SLC28A2: variants seen among roughly 807,000 people sequenced by gnomAD.
SLC28A2 encodes the protein solute carrier family 28 member 2.
A neutral mutation model predicts 72.9 loss-of-function variants in SLC28A2; 69 were observed. That is an observed-to-expected ratio of 0.95 (90% CI 0.78 to 1.16). The LOEUF (loss-of-function observed/expected upper bound fraction) is 1.16, where lower values mean the gene tolerates loss of function less well. Ranked by LOEUF, SLC28A2 falls within the 50% of genes most tolerant of loss-of-function variation. The probability of loss-of-function intolerance (pLI) is 0.00; values close to 1 mark genes in which losing one functional copy is unlikely to be tolerated. For missense variants in SLC28A2, 745 were observed against 791.1 expected, an observed-to-expected ratio of 0.94 and a Z score of 0.70; for synonymous variants, 296 against 294.1, an observed-to-expected ratio of 1.01 and a Z score of -0.07.
At chr15:45,253,569 G>T (rs1468178171) in intron 3 of SLC28A2, 49 bp downstream of exon 3, 1 of 1,302,496 alleles carries the variant, frequency 7.7e-7, no homozygotes, top group African/African-American at 1.5e-5. Context: ...TCTAGGGTGG[G>T]CTGCCCCTTC....
At chr15:45,265,992 T>C in intron 9 of SLC28A2, 89 bp from the exon 10 acceptor site, 2 of 966,108 alleles carry the variant, frequency 2.1e-6, no homozygotes, top group Non-Finnish European at 3.3e-6. Flanking sequence ...TCAGTTTCCT[T>C]ATCAGTAAAG....
Position 45,275,535 on chromosome 15 carries a change from AAC to A in SLC28A2, c.*24_*25del. On this transcript the variant is annotated 3_prime_UTR_variant, in exon 18 of 18. Transcript: ENST00000347644. ...CTAAGGCTGCTTGATCTATTTCTAT[AAC>A]AGTTTTGATCTTAAAAGCTTTGTGA... 6.9e-7 allele frequency: 1 copy of A among 1,454,234 alleles called. No homozygotes were observed. Among genetic ancestry groups the A allele is most frequent in the Non-Finnish European group, 9.6e-7 (1 of 1,037,920 alleles). 90.1% of individuals were successfully genotyped at this position (1,454,234 alleles called of 1,614,324 possible).
chr15:45,267,387 TG>T, intron 10 of SLC28A2, 67 bp from the exon 11 acceptor site: 1 of 1,582,222 alleles, frequency 6.3e-7, no homozygotes, highest in Non-Finnish European at 8.7e-7. Context: ...CCCCTGGGGC[TG>T]GGGTGGGCAC....
At chr15:45,269,760 C>T (rs1346434581) in intron 14 of SLC28A2, among the ~76,000 whole-genome samples, 1 of 152,224 alleles carries the variant, frequency 6.6e-6, no homozygotes, top group Non-Finnish European at 1.5e-5. Context: ...CCCACCACTG[C>T]CCCAACTGTG....
intron 17 of SLC28A2, among the ~76,000 whole-genome samples, chr15:45,273,357 A>G (rs1900649859): frequency 6.6e-6 from 1 of 152,220 alleles, no homozygotes; most frequent in Non-Finnish European, 1.5e-5. Flanking sequence ...GAACTTGTTT[A>G]CCAAAATCTA....
chr15:45,275,326 A>T (rs1223834628), intron 17 of SLC28A2, 70 bp from the exon 18 acceptor site: 1 of 898,156 alleles, frequency 1.1e-6, no homozygotes, highest in South Asian at 1.5e-5. Context: ...GCTTAGTATA[A>T]CTTATTGATA....
chr15:45,262,727 T>C (rs930575459), intron 4 of SLC28A2, among the ~76,000 whole-genome samples: 3 of 152,134 alleles, frequency 2.0e-5, no homozygotes, highest in African/African-American at 7.2e-5. Context: ...TGACTGACTT[T>C]TGAAGAGTCT....
rs1900324313 is a variant in SLC28A2, at chr15:45,266,063, G to A, written c.862-18G>A. ...ATTCCTGCTAACATTAATGGTTTAG[G>A]TTTCTGTATTCTTCTAGGTCGCCTG... On this transcript the variant is annotated intron_variant, in intron 9 of 17. Coordinates refer to ENST00000347644, the MANE Select transcript of SLC28A2 (RefSeq NM_004212.4). 6.4e-7 allele frequency: 1 copy of A among 1,565,322 alleles called. No homozygotes were observed. The highest frequency in any genetic ancestry group is 2.2e-5 in the East Asian group (1 of 44,634).
At chr15:45,266,023 G>T in intron 9 of SLC28A2, 58 bp from the exon 10 acceptor site, 1 of 1,235,210 alleles carries the variant, frequency 8.1e-7, no homozygotes, top group South Asian at 1.2e-5. Context: ...GGAGTTTTGC[G>T]AGATGTTCTC....
chr15:45,267,814 T>A lies in SLC28A2; in HGVS notation c.1199+18T>A, dbSNP rs776960546. 50 of 1,613,410 alleles carry A rather than the reference T, an allele frequency of 3.1e-5. No individual in the cohort carries two copies. The South Asian group carries it at 5.4e-4, about 17-fold the overall frequency. On this transcript the variant is annotated intron_variant, in intron 12 of 17. Coordinates refer to ENST00000347644, the MANE Select transcript of SLC28A2 (RefSeq NM_004212.4). Reference sequence around the variant, plus strand: ...CCCCGTGGGTGAGTCCAAGGAGGCATATACTTTGGGAGATGGTGAGCTGTA... The same window carrying A: ...CCCCGTGGGTGAGTCCAAGGAGGCAAATACTTTGGGAGATGGTGAGCTGTA...
rs370949099 is a variant in SLC28A2 at position 45,272,411 on chromosome 15, G to A, written c.1747+18G>A. Reference sequence around the variant, plus strand: ...TATGGCAGGTAGGTGCCTCAGCTCTGATGGAGATACTGCTGCATGAGGGTG... The same window carrying A: ...TATGGCAGGTAGGTGCCTCAGCTCTAATGGAGATACTGCTGCATGAGGGTG... On this transcript the variant is annotated intron_variant, in intron 16 of 17. Transcript: ENST00000347644. 4 of 1,570,756 alleles carry A rather than the reference G, an allele frequency of 2.5e-6. No individual in the cohort carries two copies. Among genetic ancestry groups the A allele is most frequent in the Non-Finnish European group, 3.5e-6 (4 of 1,142,106 alleles).
chr15:45,272,610 A>C, intron 16 of SLC28A2, 63 bp from the exon 17 acceptor site: 1 of 1,022,752 alleles, frequency 9.8e-7, no homozygotes, highest in African/African-American at 1.6e-5. Context: ...TGCCAAAAGA[A>C]TAAAGAGCCT....
In SLC28A2 at chr15:45,275,557, T is replaced by C; in HGVS notation, c.*44T>C. 7.9e-7 allele frequency: 1 copy of C among 1,264,952 alleles called. No homozygotes were observed. The highest frequency in any genetic ancestry group is 1.2e-6 in the Non-Finnish European group (1 of 868,084). 78.4% of individuals were successfully genotyped at this position (1,264,952 alleles called of 1,614,324 possible). On this transcript the variant is annotated 3_prime_UTR_variant, in exon 18 of 18. Coordinates refer to ENST00000347644, the MANE Select transcript of SLC28A2 (RefSeq NM_004212.4). The stretch of plus-strand genomic sequence containing the variant: ...TATAACAGTTTTGATCTTAAAAGCT[T>C]TGTGATTGCAAAGGTGTTTATGTAC...
At position 45,275,565 on chromosome 15, in the gene SLC28A2, G is replaced by C; in HGVS notation, c.*52G>C. The C allele has an allele frequency of 8.5e-7, 1 of 1,177,848 alleles. No homozygotes were observed. Among genetic ancestry groups the C allele is most frequent in the Non-Finnish European group, 1.3e-6 (1 of 790,156 alleles). The allele number at this position is 1,177,848 out of a possible 1,614,324, so 73.0% of individuals were successfully genotyped here. On this transcript the variant is annotated 3_prime_UTR_variant, in exon 18 of 18. Coordinates refer to ENST00000347644, the MANE Select transcript of SLC28A2 (RefSeq NM_004212.4). ...TTTTGATCTTAAAAGCTTTGTGATTGCAAAGGTGTTTATGTACTCAGGGTG... is the reference window on the plus strand; with the variant it reads ...TTTTGATCTTAAAAGCTTTGTGATTCCAAAGGTGTTTATGTACTCAGGGTG...
Position 45,263,995 on chromosome 15 carries a change from C to T in SLC28A2, c.561C>T (p.Leu187=). The part of the protein sequence containing the change: ...FAGICMFILI[L]FACSKHHSAV... ...GAATCTGCATGTTCATCCTTATCCT[C>T]TTTGCCTGCTCCAAACACCACAGCG... The change falls in exon 6 of 18, where the codon CTC becomes CTT. Residue 187 remains leucine (L), a synonymous_variant. Transcript: ENST00000347644. The T allele has an allele frequency of 6.2e-7, 1 of 1,613,028 alleles. No homozygotes were observed. The highest frequency in any genetic ancestry group is 8.5e-7 in the Non-Finnish European group (1 of 1,179,508).
chr15:45,275,751 C>A lies in SLC28A2; in HGVS notation c.*238C>A. ...GAGATCGAGACCATCCTGGCTAACA[C>A]AGTGAAACCCCGTCTCTACTAAAAA... On this transcript the variant is annotated 3_prime_UTR_variant, in exon 18 of 18. Coordinates refer to ENST00000347644, the MANE Select transcript of SLC28A2 (RefSeq NM_004212.4). 1 of 317,736 alleles carries A rather than the reference C, an allele frequency of 3.1e-6. No individual in the cohort carries two copies. The highest frequency in any genetic ancestry group is 5.0e-5 in the South Asian group (1 of 19,932). The allele number at this position is 317,736 out of a possible 1,614,324, so 19.7% of individuals were successfully genotyped here. A position where few individuals can be genotyped will look rare whatever the true frequency, so the allele number is the denominator to read the frequency against.
chr15:45,258,196 C>T (rs1016280547), intron 3 of SLC28A2, among the ~76,000 whole-genome samples: 6 of 152,084 alleles, frequency 3.9e-5, no homozygotes, highest in African/African-American at 1.4e-4. Flanking sequence ...GCACTCCAGC[C>T]TGGGCAACAG....
chr15:45,272,656 C>G lies in SLC28A2; in HGVS notation c.1748-17C>G. 2 of 1,381,280 alleles carry G rather than the reference C, an allele frequency of 1.4e-6. No homozygotes were observed. Among genetic ancestry groups the G allele is most frequent in the Non-Finnish European group, 2.1e-6 (2 of 967,726 alleles). The allele number at this position is 1,381,280 out of a possible 1,614,324, so 85.6% of individuals were successfully genotyped here. On this transcript the variant is annotated splice_polypyrimidine_tract_variant and intron_variant, in intron 16 of 17. Transcript: ENST00000347644. ...GTGTCAGATCTTCCCCTTAGTACCT[C>G]TGTCTCCTTTATCCAGGAATCCTCT...
intron 15 of SLC28A2, among the ~76,000 whole-genome samples, chr15:45,270,680 T>G (rs1485694311): frequency 6.6e-6 from 1 of 152,080 alleles, no homozygotes; most frequent in Non-Finnish European, 1.5e-5. Flanking sequence ...CAGGCTGGAG[T>G]GCAGTGGTGT....
Sources: gnomAD v4.1 joint callset for allele counts (sites outside exome capture counted in the v4.1 genomes callset) on GRCh38, gnomAD v4.1.1 for gene constraint, MANE v1.5 for transcripts, NCBI Gene and HGNC (gene_info 2026-07-23, HGNC 2026-07-21) for gene names.